Variants in BASP1 observed in about 807,000 individuals in gnomAD.
The protein encoded by BASP1 is brain abundant membrane attached signal protein 1, also known as brain acid soluble protein 1.
In BASP1, 1 loss-of-function variant was observed where a neutral mutation model predicts 2.2. The ratio of observed to expected loss-of-function variants is 0.46; its 90% CI spans 0.16 to 2.17. The LOEUF is 2.17. Ranked by LOEUF, BASP1 falls within the 30% of genes most tolerant of loss-of-function variation. The pLI, the probability that BASP1 is intolerant of heterozygous loss-of-function variation, is 0.27. For missense variants in BASP1, 352 were observed against 327.2 expected (o/e 1.08, Z -0.58); for synonymous variants, 187 against 154.2 (o/e 1.21, Z -1.58).
chr5:17,237,061 G>A (rs1324672783), intron 1 of BASP1, among the ~76,000 whole-genome samples: 1 of 152,014 alleles, frequency 6.6e-6, no homozygotes, highest in Non-Finnish European at 1.5e-5. Flanking sequence ...AAGGTGATAA[G>A]GTGGCTGGGC....
At chr5:17,256,589 A>G (rs1218470766) in intron 1 of BASP1, among the ~76,000 whole-genome samples, 1 of 152,272 alleles carries the variant, frequency 6.6e-6, no homozygotes, top group Non-Finnish European at 1.5e-5. Context: ...TACAAATGAA[A>G]TAACCAACCC....
At chr5:17,262,264 CCT>C (rs927400390) in intron 1 of BASP1, among the ~76,000 whole-genome samples, 1 of 152,184 alleles carries the variant, frequency 6.6e-6, no homozygotes, top group African/African-American at 2.4e-5. Context: ...CTGGACATTT[CCT>C]CTTTGTTCCC....
chr5:17,257,627 C>G (rs1440682201), intron 1 of BASP1, among the ~76,000 whole-genome samples: 3 of 152,144 alleles, frequency 2.0e-5, no homozygotes, highest in Non-Finnish European at 2.9e-5. Flanking sequence ...GACTCCCTGC[C>G]CCAGGTCACA....
At chr5:17,227,549 C>T (rs2731802) in intron 1 of BASP1, among the ~76,000 whole-genome samples, 31,844 of 152,020 alleles carry the variant, frequency 0.21, 3,771 homozygotes, top group East Asian at 0.33. Context: ...CTACAGGTGC[C>T]GCCACTATGC....
At position 17,269,692 on chromosome 5, in the gene BASP1, G is replaced by T. The variant is rs1740492008; in HGVS notation, c.-9-5516G>T. Among the ~76,000 whole-genome samples, 4 of 152,342 alleles carry T rather than the reference G, an allele frequency of 2.6e-5. No individual in the cohort carries two copies. In the South Asian group the frequency reaches 6.2e-4, roughly 24 times the overall value. On this transcript the variant is annotated intron_variant, in intron 1 of 1. Coordinates refer to ENST00000322611, the MANE Select transcript of BASP1 (RefSeq NM_006317.5). The stretch of plus-strand genomic sequence containing the variant: ...GTTGTGGGGGATTTTAAAGATGTAA[G>T]TTAGTATCTCTATTAAGCTATTTGA...
intron 1 of BASP1, among the ~76,000 whole-genome samples, chr5:17,243,637 C>CACAA (rs1287913395): frequency 6.6e-6 from 1 of 152,236 alleles, no homozygotes; most frequent in Non-Finnish European, 1.5e-5. Flanking sequence ...TTATAGCATT[C>CACAA]ACAACACATG....
chr5:17,245,632 T>G lies in BASP1; in HGVS notation c.-10+27822T>G, dbSNP rs150360293. On this transcript the variant is annotated intron_variant, in intron 1 of 1. Coordinates refer to ENST00000322611, the MANE Select transcript of BASP1 (RefSeq NM_006317.5). Reference sequence around the variant, plus strand: ...GGCCTTTAAAAATTAGTAGGCTCTGTGTAGAAAGTTACTTTTTTTTTTTTC... The same window carrying G: ...GGCCTTTAAAAATTAGTAGGCTCTGGGTAGAAAGTTACTTTTTTTTTTTTC... Among the ~76,000 whole-genome samples, 476 of 152,210 alleles carry G rather than the reference T, an allele frequency of 3.1e-3. 4 individuals are homozygous for G. Among genetic ancestry groups the G allele is most frequent in the African/African-American group, 0.011 (455 of 41,540 alleles).
chr5:17,237,361 A>C lies in BASP1; in HGVS notation c.-10+19551A>C, dbSNP rs376444606. Among the ~76,000 whole-genome samples, 3 of 152,266 alleles carry C rather than the reference A, an allele frequency of 2.0e-5. No homozygotes were observed. In the East Asian group the frequency reaches 5.8e-4, roughly 29 times the overall value. On this transcript the variant is annotated intron_variant, in intron 1 of 1. Transcript: ENST00000322611. ...TCCGTCTCAAAACAAAACAAAACAA[A>C]AAAAAGAAAGAAAGGTGATAAGGCT...
At chr5:17,218,683 T>C (rs77101434) in intron 1 of BASP1, among the ~76,000 whole-genome samples, 2,057 of 152,174 alleles carry the variant, frequency 0.014, 57 homozygotes, top group African/African-American at 0.047. Context: ...GGGTTGGGGT[T>C]GAGCAGCTTT....
chr5:17,250,780 A>AT (rs1554027721), intron 1 of BASP1, among the ~76,000 whole-genome samples: 1 of 151,772 alleles, frequency 6.6e-6, no homozygotes, highest in Non-Finnish European at 1.5e-5. Flanking sequence ...AATTTGTTGT[A>AT]TTTTTAGTAG....
intron 1 of BASP1, among the ~76,000 whole-genome samples, chr5:17,228,290 G>A (rs1343117287): frequency 6.6e-6 from 1 of 152,122 alleles, no homozygotes; most frequent in Non-Finnish European, 1.5e-5. Flanking sequence ...CAGGTACAGG[G>A]GGTCATCGTA....
intron 1 of BASP1, among the ~76,000 whole-genome samples, chr5:17,268,662 T>C (rs60019593): frequency 0.022 from 3,285 of 152,294 alleles, 114 homozygotes; most frequent in African/African-American, 0.075. Context: ...ATATCTTCTG[T>C]GTTCCCTGAC....
chr5:17,250,951 G>T (rs1427718568), intron 1 of BASP1, among the ~76,000 whole-genome samples: 2 of 151,676 alleles, frequency 1.3e-5, no homozygotes, highest in South Asian at 2.1e-4. Flanking sequence ...GGTTTTGAGC[G>T]ATCTACACGC....
chr5:17,224,890 A>G (rs969761450), intron 1 of BASP1, among the ~76,000 whole-genome samples: 1 of 152,232 alleles, frequency 6.6e-6, no homozygotes, highest in African/African-American at 2.4e-5. Flanking sequence ...GAAATAAACC[A>G]AGTCCTGCCT....
In BASP1 at chr5:17,260,112, A is replaced by G. The variant is rs1740287935; in HGVS notation, c.-9-15096A>G. ...AATAACTGGGGCTTTTGAAAGGACC[A>G]CCCGTTAAGTGCAAATAAATAACAA... is the stretch of plus-strand genomic sequence containing the variant. On this transcript the variant is annotated intron_variant, in intron 1 of 1. Transcript: ENST00000322611. The surrounding 1 kb of genome is among the most constrained non-coding windows in gnomAD (Gnocchi z 4.2). Among the ~76,000 whole-genome samples, 2 of 152,338 alleles carry G rather than the reference A, an allele frequency of 1.3e-5. No homozygotes were observed. The highest frequency in any genetic ancestry group is 4.8e-5 in the African/African-American group (2 of 41,566).
chr5:17,256,682 C>T (rs904841152), intron 1 of BASP1, among the ~76,000 whole-genome samples: 1 of 152,050 alleles, frequency 6.6e-6, no homozygotes, highest in Non-Finnish European at 1.5e-5. Context: ...GAACAGAAAT[C>T]GTTTAAAAAT....
chr5:17,254,221 CAGTT>C (rs1409157283), intron 1 of BASP1, among the ~76,000 whole-genome samples: 6 of 146,882 alleles, frequency 4.1e-5, no homozygotes, highest in Non-Finnish European at 9.0e-5. Flanking sequence ...ATCTTTTTAG[CAGTT>C]AGTTCTCATT....
Position 17,251,735 on chromosome 5 carries a change from C to T in BASP1, c.-9-23473C>T, listed in dbSNP as rs1434493351. 2.6e-5 allele frequency among the ~76,000 whole-genome samples: 4 copies of T among 152,196 alleles called. No homozygotes were observed. The highest frequency in any genetic ancestry group is 4.4e-5 in the Non-Finnish European group (3 of 68,034). ...GGTGGTGAAAGTTGGTCCAGAAAGA[C>T]TCCCACATTTCTGGCTGGGCGATGG... On this transcript the variant is annotated intron_variant, in intron 1 of 1. Coordinates refer to ENST00000322611, the MANE Select transcript of BASP1 (RefSeq NM_006317.5). This position sits in a 1 kb window ranked among gnomAD's most constrained non-coding sequence, Gnocchi z 4.0.
chr5:17,254,510 G>A (rs1740162787), intron 1 of BASP1, among the ~76,000 whole-genome samples: 1 of 152,188 alleles, frequency 6.6e-6, no homozygotes, highest in African/African-American at 2.4e-5. Flanking sequence ...ATGCAGTTCT[G>A]TCACTTTCAC....
Sources: allele counts gnomAD v4.1 joint callset (sites outside exome capture counted in the v4.1 genomes callset), GRCh38; gene constraint gnomAD v4.1.1; non-coding constraint Gnocchi (gnomAD v3.1); transcripts MANE v1.5; gene names NCBI Gene and HGNC (gene_info 2026-07-23, HGNC 2026-07-21).